Variants in FOCAD observed in about 807,000 individuals in gnomAD.
The protein encoded by FOCAD is KIAA1797.
FOCAD carries 198 observed loss-of-function variants against 225.6 expected under a neutral mutation model. That is an observed-to-expected ratio of 0.88 (90% CI 0.78 to 0.99). FOCAD has a LOEUF of 0.99. Among genes scored for constraint, FOCAD ranks in the 50% least tolerant of loss-of-function variants. The probability of loss-of-function intolerance (pLI) is 0.00; values close to 1 mark genes in which losing one functional copy is unlikely to be tolerated. For synonymous variants in FOCAD, 897 were observed against 755.0 expected, an observed-to-expected ratio of 1.19 and a Z score of -3.08; for missense variants, 2,713 against 2,123.6, an observed-to-expected ratio of 1.28 and a Z score of -5.46.
chr9:20,929,199 T>C (rs1835232877), intron 26 of FOCAD, 159 bp from the exon 27 acceptor site: 1 of 585,352 alleles, frequency 1.7e-6, no homozygotes, highest in East Asian at 2.8e-5. Flanking sequence ...AAACATAATC[T>C]ATAGACAAAA....
chr9:20,658,781 T>G (rs1303438214), exon 2 of FOCAD: 1 of 156,140 alleles, frequency 6.4e-6, no homozygotes, highest in East Asian at 1.9e-4. Context: ...GCTGTTCCTA[T>G]TCGGCCATCT....
chr9:20,786,977 C>A, intron 10 of FOCAD: 1 of 479,906 alleles, frequency 2.1e-6, no homozygotes, highest in Non-Finnish European at 4.2e-6. Flanking sequence ...GATTTGGTAG[C>A]TGGTGCTGAG....
At chr9:20,686,520 AAAT>A (rs1222818886) in intron 1 of FOCAD, among the ~76,000 whole-genome samples, 1 of 152,224 alleles carries the variant, frequency 6.6e-6, no homozygotes, top group Non-Finnish European at 1.5e-5. Flanking sequence ...CCACAATGAG[AAAT>A]AATAACTATA....
chr9:20,755,889 G>A (rs1287079499), intron 5 of FOCAD, among the ~76,000 whole-genome samples: 1 of 151,932 alleles, frequency 6.6e-6, no homozygotes. Context: ...CAAATCCCTG[G>A]CCTCCAGCAA....
At chr9:20,723,080 A>C (rs956293415) in intron 4 of FOCAD, among the ~76,000 whole-genome samples, 13 of 152,320 alleles carry the variant, frequency 8.5e-5, no homozygotes, top group Admixed American at 6.5e-4. Flanking sequence ...CATCAGTATT[A>C]ATTCTTCCTC....
At chr9:20,952,856 G>A (rs749690186) in intron 34 of FOCAD, 129 bp from the exon 35 acceptor site, 5 of 719,660 alleles carry the variant, frequency 6.9e-6, no homozygotes, top group Non-Finnish European at 1.2e-5. Context: ...ACAAAGTGTT[G>A]TGCTGAGATT....
chr9:20,861,970 T>G (rs1478220602), intron 15 of FOCAD, among the ~76,000 whole-genome samples: 1 of 152,114 alleles, frequency 6.6e-6, no homozygotes, highest in Non-Finnish European at 1.5e-5. Flanking sequence ...ATACAACATT[T>G]TTGCTGGGCT....
At chr9:20,739,821 T>C (rs955676658) in intron 4 of FOCAD, among the ~76,000 whole-genome samples, 2 of 152,186 alleles carry the variant, frequency 1.3e-5, no homozygotes, top group Admixed American at 6.6e-5. Flanking sequence ...TTTGCTTTGA[T>C]TGCTTCCCTG....
chr9:20,937,133 C>T (rs1316770861), intron 28 of FOCAD, among the ~76,000 whole-genome samples: 10 of 143,746 alleles, frequency 7.0e-5, no homozygotes, highest in Non-Finnish European at 9.1e-5. Context: ...GAATCAATAT[C>T]GTGAAAATGG....
At chr9:20,835,701 T>C (rs1825928445) in intron 15 of FOCAD, among the ~76,000 whole-genome samples, 1 of 152,134 alleles carries the variant, frequency 6.6e-6, no homozygotes, top group Non-Finnish European at 1.5e-5. Flanking sequence ...AGATTAACTT[T>C]TAACATTTTG....
At chr9:20,852,167 A>AT (rs1341366955) in intron 15 of FOCAD, among the ~76,000 whole-genome samples, 1 of 151,870 alleles carries the variant, frequency 6.6e-6, no homozygotes, top group African/African-American at 2.4e-5. Flanking sequence ...TGGGGGAACC[A>AT]TTTTTGTTGT....
chr9:20,744,430 A>G (rs1827880556), intron 5 of FOCAD, among the ~76,000 whole-genome samples: 1 of 152,218 alleles, frequency 6.6e-6, no homozygotes, highest in Non-Finnish European at 1.5e-5. Flanking sequence ...TTGTGGCTTA[A>G]ACAAGATTAG....
chr9:20,684,965 C>T (rs370326639), intron 1 of FOCAD, among the ~76,000 whole-genome samples: 2 of 152,326 alleles, frequency 1.3e-5, no homozygotes, highest in African/African-American at 2.4e-5. Flanking sequence ...ATTTACCCTT[C>T]ATGAGTTTTA....
rs116792825 is a variant in FOCAD at position 20,722,209 on chromosome 9, G to A, written c.287+1675G>A. On this transcript the variant is annotated intron_variant, in intron 4 of 43. Transcript: ENST00000338382. ...AAATGTGTGCCAGCATGCCTGGCTT[G>A]GTTTTTCTTTTCCTTTTGCAGTCTG... Among the ~76,000 whole-genome samples, 1,407 of 151,386 alleles carry A rather than the reference G, an allele frequency of 9.3e-3. 25 individuals carry two copies. The highest frequency in any genetic ancestry group is 0.033 in the African/African-American group (1,350 of 41,196).
In FOCAD at chr9:20,950,909, A is replaced by T. The variant is rs529004367; in HGVS notation, c.3949-87A>T. 11 of 1,142,354 alleles carry T rather than the reference A, an allele frequency of 9.6e-6. No individual in the cohort carries two copies. In the African/African-American group the frequency reaches 1.7e-4, roughly 17 times the overall value. 70.8% of individuals were successfully genotyped at this position (1,142,354 alleles called of 1,614,324 possible). A position where few individuals can be genotyped will look rare whatever the true frequency, so the allele number is the denominator to read the frequency against. Reference sequence around the variant, plus strand: ...TGCCAGCCAAGCCACCACCTCCTAAATGACTGGTGACTTTCTGTGAGTGAC... The same window carrying T: ...TGCCAGCCAAGCCACCACCTCCTAATTGACTGGTGACTTTCTGTGAGTGAC... On this transcript the variant is annotated intron_variant, in intron 33 of 43. Coordinates refer to ENST00000338382, the MANE Select transcript of FOCAD (RefSeq NM_001375567.1).
intron 2 of FOCAD, among the ~76,000 whole-genome samples, chr9:20,676,083 T>A (rs999396399): frequency 6.6e-6 from 1 of 152,208 alleles, no homozygotes; most frequent in Non-Finnish European, 1.5e-5. Context: ...AGAAAAAGCT[T>A]AGTTGGACAA....
intron 4 of FOCAD, among the ~76,000 whole-genome samples, chr9:20,731,524 A>T (rs1453707345): frequency 6.6e-6 from 1 of 152,232 alleles, no homozygotes; most frequent in Non-Finnish European, 1.5e-5. Flanking sequence ...TTATGTAAAT[A>T]TAGAACTAGA....
chr9:20,926,692 A>C (rs1834981127), intron 26 of FOCAD, among the ~76,000 whole-genome samples: 1 of 151,968 alleles, frequency 6.6e-6, no homozygotes, highest in South Asian at 2.1e-4. Flanking sequence ...CTGAGGCAGG[A>C]GAATCACTTT....
Position 20,720,393 on chromosome 9 carries a change from ACT to A in FOCAD, c.147_148del (p.Leu50AlafsTer8), listed in dbSNP as rs1240863648. ...GTTTGGTTTCAGACTCCTGCTTTGAACTTGCTGTGGGAGAAGTGTTGCAGTGA... is the reference window on the plus strand; with the variant it reads ...GTTTGGTTTCAGACTCCTGCTTTGAATGCTGTGGGAGAAGTGTTGCAGTGA... On this transcript the variant is annotated frameshift_variant, in exon 4 of 44. Transcript: ENST00000338382. LOFTEE classifies it high-confidence loss of function. 8 of 1,613,910 alleles carry A rather than the reference ACT, an allele frequency of 5.0e-6. No individual in the cohort carries two copies. The highest frequency in any genetic ancestry group is 6.8e-6 in the Non-Finnish European group (8 of 1,179,932).
Sources: gnomAD v4.1 joint callset for allele counts (sites outside exome capture counted in the v4.1 genomes callset) on GRCh38, gnomAD v4.1.1 for gene constraint, MANE v1.5 for transcripts, NCBI Gene and HGNC (gene_info 2026-07-23, HGNC 2026-07-21) for gene names.